The following INTS1 variants were observed in gnomAD, a reference collection of about 807,000 sequenced individuals.
INTS1 encodes the protein integrator complex subunit 1.
In INTS1, 137 loss-of-function variants were observed where a neutral mutation model predicts 241.6. The ratio of observed to expected loss-of-function variants is 0.57; its 90% CI spans 0.49 to 0.65. The LOEUF (loss-of-function observed/expected upper bound fraction) is 0.65. Among genes scored for constraint, INTS1 ranks in the 30% least tolerant of loss-of-function variants. INTS1 has a pLI of 0.00. For synonymous variants in INTS1, 1,692 were observed against 1,337.8 expected (o/e 1.26, Z -5.78); for missense variants, 3,073 against 3,032.2 (o/e 1.01, Z -0.32).
chr7:1,477,668 T>A lies in INTS1; in HGVS notation c.4820A>T (p.Glu1607Val). ...TGACGAGGGCCCCAGCCGCACGGCC[T>A]CCAGGCTGCAGGGAGAAGGTGGCTC... ...GKPGADGGSL[E>V]AVRLGPSSGL... The change falls in exon 35 of 48, where the codon GAG becomes GTG. Residue 1607 changes from glutamate (E) to valine (V), a missense_variant. Transcript: ENST00000404767. The A allele has an allele frequency of 6.3e-7, 1 of 1,597,206 alleles. No individual in the cohort carries two copies. The highest frequency in any genetic ancestry group is 8.5e-7 in the Non-Finnish European group (1 of 1,172,182).
intron 16 of INTS1, among the ~76,000 whole-genome samples, chr7:1,492,344 G>C (rs943188124): frequency 6.6e-6 from 1 of 152,168 alleles, no homozygotes; most frequent in East Asian, 1.9e-4. Context: ...CTGGTCACAA[G>C]ATCATGCACT....
In INTS1 at chr7:1,504,327, G is replaced by A. The variant is rs1245953940; in HGVS notation, c.-46C>T. 3 of 524,966 alleles carry A rather than the reference G, an allele frequency of 5.7e-6. No homozygotes were observed. The highest frequency in any genetic ancestry group is 1.1e-5 in the Non-Finnish European group (3 of 275,424). 32.5% of individuals were successfully genotyped at this position (524,966 alleles called of 1,614,324 possible). On this transcript the variant is annotated 5_prime_UTR_variant, in exon 1 of 48. An upstream open reading frame in the 5' UTR gains an earlier in-frame stop. Transcript: ENST00000404767. ...CCCAGGCCGCGGCTCACTTACCTCT[G>A]GCCCATCGCGACCGGAGCGCCGCCG...
In INTS1 at chr7:1,497,131, C is replaced by A. The variant is rs1275774163; in HGVS notation, c.1602+7G>T. The stretch of plus-strand genomic sequence containing the variant: ...GGGAAAGGCGCCCCAGCGGCGAGGG[C>A]TGGCACCTTGAACTCCATCTCCAGG... On this transcript the variant is annotated splice_region_variant and intron_variant, in intron 11 of 47. Transcript: ENST00000404767. The surrounding 1 kb of genome is among the most constrained non-coding windows in gnomAD (Gnocchi z 5.3). 2.5e-6 allele frequency: 4 copies of A among 1,597,628 alleles called. No homozygotes were observed. In the South Asian group the frequency reaches 3.4e-5, roughly 13 times the overall value.
chr7:1,482,448 C>G, intron 27 of INTS1, 98 bp downstream of exon 27: 1 of 1,264,178 alleles, frequency 7.9e-7, no homozygotes, highest in Non-Finnish European at 1.1e-6. Context: ...GTCTTCTCCT[C>G]TGCCACAGCC....
In INTS1 at chr7:1,479,744, G is replaced by A. The variant is rs1288816382; in HGVS notation, c.4075-60C>T. 2.1e-6 allele frequency: 3 copies of A among 1,425,962 alleles called. No homozygotes were observed. In the East Asian group the frequency reaches 7.7e-5, roughly 36 times the overall value. The allele number at this position is 1,425,962 out of a possible 1,614,324, so 88.3% of individuals were successfully genotyped here. ...GAGGAGAAGGAGGAGGAGCGCAGCG[G>A]AGAGGCTAAGCGCCCGGTGCAGCTC... is the stretch of plus-strand genomic sequence containing the variant. On this transcript the variant is annotated intron_variant, in intron 30 of 47. Transcript: ENST00000404767.
At chr7:1,498,891 C>A in intron 8 of INTS1, 39 bp from the exon 9 acceptor site, 1 of 1,563,378 alleles carries the variant, frequency 6.4e-7, no homozygotes, top group Non-Finnish European at 8.7e-7. Context: ...TCACGGCCAC[C>A]CCGGCAGGAA....
intron 20 of INTS1, 47 bp from the exon 21 acceptor site, chr7:1,487,148 A>G: frequency 6.5e-7 from 1 of 1,529,516 alleles, no homozygotes; most frequent in Non-Finnish European, 8.8e-7. Context: ...CAGGCCCAAC[A>G]CCTGCCGCCA....
In INTS1 at chr7:1,482,617, T is replaced by G; in HGVS notation, c.3632A>C (p.Glu1211Ala). Residue 1211 changes from glutamate (E) to alanine (A), a missense_variant, in exon 27 of 48, where the codon GAG (glutamate) becomes GCG (alanine). Physicochemically the swap from Glu to Ala is moderately radical, Grantham distance 107 (BLOSUM62 -1). Coordinates refer to ENST00000404767, the MANE Select transcript of INTS1 (RefSeq NM_001080453.3). ...PTAFLVDTSEEALLLPDWLKL... is the reference protein window; with the variant it reads ...PTAFLVDTSEAALLLPDWLKL... ...CAGCCAGTCAGGAAGCAGCAGCGCC[T>G]CCTCCGATGTGTCCACCAGGAAGGC... The G allele has an allele frequency of 1.2e-6, 2 of 1,612,856 alleles. No homozygotes were observed. The highest frequency in any genetic ancestry group is 1.7e-6 in the Non-Finnish European group (2 of 1,179,876).
chr7:1,486,826 G>A (rs1782290007), intron 21 of INTS1, 52 bp from the exon 22 acceptor site: 9 of 1,602,808 alleles, frequency 5.6e-6, no homozygotes, highest in Non-Finnish European at 7.7e-6. Context: ...CAGGCGGGTA[G>A]GACGTGGGGT....
chr7:1,495,022 T>A (rs1049591620), intron 13 of INTS1, 129 bp from the exon 14 acceptor site: 42 of 1,045,198 alleles, frequency 4.0e-5, no homozygotes, highest in Admixed American at 1.0e-4. Context: ...GTGCCCAAGC[T>A]CAGCACCTCC....
rs1399190482 is a variant in INTS1, at chr7:1,481,214, C to T, written c.3850+128G>A. 3.7e-6 allele frequency: 4 copies of T among 1,087,954 alleles called. No individual in the cohort carries two copies. The highest frequency in any genetic ancestry group is 4.1e-6 in the Non-Finnish European group (3 of 734,346). 67.4% of individuals were successfully genotyped at this position (1,087,954 alleles called of 1,614,324 possible). ...ACCAACCCACAGGTCTAAGCCTGCC[C>T]TCGAGTGCCACCCACACCCACCCGA... On this transcript the variant is annotated intron_variant, in intron 28 of 47. Transcript: ENST00000404767. This position sits in a 1 kb window ranked among gnomAD's most constrained non-coding sequence, Gnocchi z 6.8.
At position 1,498,784 on chromosome 7, in the gene INTS1, G is replaced by A; in HGVS notation, c.1206C>T (p.Asp402=). 1 of 1,596,666 alleles carries A rather than the reference G, an allele frequency of 6.3e-7. No individual in the cohort carries two copies. The highest frequency in any genetic ancestry group is 8.5e-7 in the Non-Finnish European group (1 of 1,171,934). The part of the protein sequence containing the change: ...CMNCNTHGSE[D]MDVISHLIKI... ...TGATCAGGTGTGAGATGACGTCCAT[G>A]TCTTCGGAACCGTGCGTGTTGCAGT... The change falls in exon 9 of 48, where the codon GAC becomes GAT. Residue 402 remains aspartate, a synonymous_variant. Coordinates refer to ENST00000404767, the MANE Select transcript of INTS1 (RefSeq NM_001080453.3).
chr7:1,471,125 G>A lies in INTS1; in HGVS notation c.6347+8C>T. The A allele has an allele frequency of 6.4e-7, 1 of 1,559,882 alleles. No homozygotes were observed. ...TGGCGGCGGGACAGAGGCCGGCGGT[G>A]GCCTCACCTGGGGCTGTTCTGCATG... On this transcript the variant is annotated splice_region_variant and intron_variant, in intron 46 of 47. Coordinates refer to ENST00000404767, the MANE Select transcript of INTS1 (RefSeq NM_001080453.3).
In INTS1 at chr7:1,474,264, C is replaced by T. The variant is rs760865452; in HGVS notation, c.5733G>A (p.Val1911=). Residue 1911 remains valine (V), a synonymous_variant, in exon 41 of 48, where the codon GTG becomes GTA. Transcript: ENST00000404767. ...GCTGCAGCAGCTCCAGCAGGCCCAG[C>T]ACGTGCAGGAAGCAGCTCAGGTGGT... ...QQNHLSCFLH[V]LGLLELLQPH... is the part of the protein sequence containing the mutation. The T allele has an allele frequency of 1.3e-5, 21 of 1,607,860 alleles. No individual in the cohort carries two copies. Among genetic ancestry groups the T allele is most frequent in the Non-Finnish European group, 1.7e-5 (20 of 1,178,974 alleles).
chr7:1,491,677 G>A (rs773188582), intron 16 of INTS1, among the ~76,000 whole-genome samples: 3 of 152,342 alleles, frequency 2.0e-5, no homozygotes, highest in South Asian at 4.1e-4. Context: ...AAAGCAGGAG[G>A]ACTGCTTGAG....
At chr7:1,501,570 C>G (rs1426168255) in intron 3 of INTS1, among the ~76,000 whole-genome samples, 1 of 152,180 alleles carries the variant, frequency 6.6e-6, no homozygotes, top group East Asian at 1.9e-4. Context: ...CACGTCTCCT[C>G]TCATCTTCAA....
At chr7:1,474,462 C>G in intron 40 of INTS1, 102 bp from the exon 41 acceptor site, 1 of 1,272,254 alleles carries the variant, frequency 7.9e-7, no homozygotes, top group Non-Finnish European at 1.0e-6. Context: ...AGACCCCGTG[C>G]TGCCCCCCAA....
At position 1,487,875 on chromosome 7, in the gene INTS1, G is replaced by T. The variant is rs201096577; in HGVS notation, c.2401C>A (p.Arg801=). Reference sequence around the variant, plus strand: ...AAGGCCAGGATCTCCTGCTTCTCCCGCTGGGCGGTCTGCAGCTCACGGTTC... The same window carrying T: ...AAGGCCAGGATCTCCTGCTTCTCCCTCTGGGCGGTCTGCAGCTCACGGTTC... ...MLNRELQTAQ[R]EKQEILAFEG... The change falls in exon 19 of 48, where the codon CGG becomes AGG. Residue 801 remains arginine (R), a synonymous_variant. Coordinates refer to ENST00000404767, the MANE Select transcript of INTS1 (RefSeq NM_001080453.3). The T allele has an allele frequency of 4.4e-4, 712 of 1,613,572 alleles. No individual in the cohort carries two copies. The highest frequency in any genetic ancestry group is 1.3e-3 in the Middle Eastern group (8 of 6,062).
Position 1,485,336 on chromosome 7 carries a change from G to A in INTS1, c.3110C>T (p.Pro1037Leu), listed in dbSNP as rs748000710. ...GGTGCTCCTGACGCTGTCGAACAGA[G>A]GCAGGCGAGGCAGGTCCCGCAGCAG... ...QWLLRDLPRLPLFDSVRSTTA... is the reference protein window; with the variant it reads ...QWLLRDLPRLLLFDSVRSTTA... Residue 1037 changes from proline to leucine, a missense_variant, in exon 23 of 48, where the codon CCT (proline) becomes CTT (leucine). Pro to Leu is a moderately conservative substitution (Grantham distance 98, BLOSUM62 -3). Coordinates refer to ENST00000404767, the MANE Select transcript of INTS1 (RefSeq NM_001080453.3). 5.0e-6 allele frequency: 8 copies of A among 1,611,704 alleles called. No homozygotes were observed. In the African/African-American group the frequency reaches 9.3e-5, roughly 19 times the overall value.
Sources: allele counts gnomAD v4.1 joint callset (sites outside exome capture counted in the v4.1 genomes callset), GRCh38; gene constraint gnomAD v4.1.1; non-coding constraint Gnocchi (gnomAD v3.1); transcripts MANE v1.5; gene names NCBI Gene and HGNC (gene_info 2026-07-23, HGNC 2026-07-21).